The following ZC3H12B variants were observed in gnomAD, a reference collection of about 807,000 sequenced individuals.
ZC3H12B encodes probable ribonuclease ZC3H12B.
ZC3H12B carries 7 observed loss-of-function variants against 43.9 expected under a neutral mutation model. That is an observed-to-expected ratio of 0.16 (90% CI 0.09 to 0.30). The LOEUF (loss-of-function observed/expected upper bound fraction) is 0.30, where lower values mean the gene tolerates loss of function less well. Ranked by LOEUF, ZC3H12B falls within the 10% of genes least tolerant of loss-of-function variation. The pLI is 1.00. For missense variants in ZC3H12B, 475 were observed against 670.2 expected, an observed-to-expected ratio of 0.71 and a Z score of 3.22; for synonymous variants, 222 against 241.7, an observed-to-expected ratio of 0.92 and a Z score of 0.76.
the ZC3H12B span, among the ~76,000 whole-genome samples, chrX:65,053,419 C>A: frequency 9.0e-6 from 1 of 110,964 alleles, no homozygotes; most frequent in Non-Finnish European, 1.9e-5. Flanking sequence ...CATCCATGTC[C>A]CTACAAAGGA....
chrX:65,061,414 G>A, the ZC3H12B span, among the ~76,000 whole-genome samples: 1 of 112,215 alleles, frequency 8.9e-6, no homozygotes, highest in Admixed American at 9.5e-5. Context: ...AGAACATGCG[G>A]TGTATGGTTT....
At chrX:65,496,964 AG>A (rs2068294776) in intron 1 of ZC3H12B, among the ~76,000 whole-genome samples, 167 bp from the exon 7 acceptor site, 3 of 107,428 alleles carry the variant, frequency 2.8e-5, no homozygotes, top group African/African-American at 1.1e-4. Context: ...AAAAAAAAAA[AG>A]AAAAAAAAGA....
At chrX:65,278,807 C>A in the ZC3H12B span, among the ~76,000 whole-genome samples, 1 of 100,998 alleles carries the variant, frequency 9.9e-6, no homozygotes, top group South Asian at 5.9e-4. Flanking sequence ...CCCCTACCCT[C>A]CCCCCTCAAG....
At chrX:65,175,359 AT>A in the ZC3H12B span, among the ~76,000 whole-genome samples, 100 of 105,168 alleles carry the variant, frequency 9.5e-4, no homozygotes, top group African/African-American at 2.8e-3. Flanking sequence ...TGCATGTAAC[AT>A]TTTTTTTTTT....
the ZC3H12B span, among the ~76,000 whole-genome samples, chrX:65,303,868 AC>A: frequency 8.9e-6 from 1 of 112,567 alleles, no homozygotes; most frequent in African/African-American, 3.2e-5. Context: ...AAATTGTGAA[AC>A]ATTGCTGACA....
At chrX:65,156,484 G>A in the ZC3H12B span, among the ~76,000 whole-genome samples, 3 of 111,673 alleles carry the variant, frequency 2.7e-5, no homozygotes, top group Non-Finnish European at 5.6e-5. Flanking sequence ...GGGCTCAAGT[G>A]ATTCTACTGC....
chrX:65,159,811 T>C, the ZC3H12B span, among the ~76,000 whole-genome samples: 1 of 111,115 alleles, frequency 9.0e-6, no homozygotes, highest in African/African-American at 3.3e-5. Context: ...GGAAGAGGAG[T>C]GGTGAGAGAG....
chrX:65,283,259 G>A, the ZC3H12B span, among the ~76,000 whole-genome samples: 8 of 111,768 alleles, frequency 7.2e-5, no homozygotes, highest in South Asian at 3.8e-4. Flanking sequence ...AAAGGCCTTC[G>A]ACAAAATTCA....
intron 2 of ZC3H12B, among the ~76,000 whole-genome samples, chrX:65,379,273 C>A (rs71563008): frequency 0.012 from 1,297 of 111,959 alleles, 16 homozygotes; most frequent in African/African-American, 0.041. Flanking sequence ...AAAGGGCAGA[C>A]TGCCTCCTCA....
the ZC3H12B span, among the ~76,000 whole-genome samples, chrX:65,310,063 G>A: frequency 8.9e-6 from 1 of 111,862 alleles, no homozygotes; most frequent in African/African-American, 3.3e-5. Context: ...GGCAAAACCT[G>A]GAAGCATTCT....
At chrX:65,215,121 T>C in the ZC3H12B span, among the ~76,000 whole-genome samples, 2 of 112,110 alleles carry the variant, frequency 1.8e-5, no homozygotes, top group African/African-American at 6.5e-5. Context: ...TTTGTCCATT[T>C]ACAAAGCACA....
chrX:65,408,053 G>A, intron 3 of ZC3H12B: 1 of 1,166,535 alleles, frequency 8.6e-7, no homozygotes, highest in Non-Finnish European at 1.1e-6. Context: ...TGAGTTGCCG[G>A]GGAACAGAGC....
the ZC3H12B span, among the ~76,000 whole-genome samples, chrX:65,150,730 TTA>T: frequency 8.9e-6 from 1 of 112,039 alleles, no homozygotes; most frequent in African/African-American, 3.2e-5. Context: ...ACAGGCTTTT[TTA>T]TTTTTTATAT....
the ZC3H12B span, among the ~76,000 whole-genome samples, chrX:65,129,256 TG>T: frequency 0.11 from 11,123 of 105,856 alleles, 1,520 homozygotes; most frequent in African/African-American, 0.36. Context: ...TGTGTATATA[TG>T]TATATATATA....
chrX:65,395,929 T>C (rs1234335613), intron 2 of ZC3H12B, among the ~76,000 whole-genome samples: 1 of 111,630 alleles, frequency 9.0e-6, no homozygotes, highest in African/African-American at 3.3e-5. Flanking sequence ...GGTATATGTG[T>C]CCAGGAATTT....
the ZC3H12B span, among the ~76,000 whole-genome samples, chrX:65,232,787 A>C: frequency 9.0e-6 from 1 of 110,671 alleles, no homozygotes; most frequent in Non-Finnish European, 1.9e-5. Flanking sequence ...TCCAACAAAA[A>C]GACATAGAGT....
intron 2 of ZC3H12B, among the ~76,000 whole-genome samples, chrX:65,391,188 T>C (rs1359573303): frequency 8.9e-6 from 1 of 112,397 alleles, no homozygotes; most frequent in East Asian, 2.8e-4. Flanking sequence ...ATCTGTCTTA[T>C]CTGCTTACTT....
the ZC3H12B span, among the ~76,000 whole-genome samples, chrX:65,087,865 C>T: frequency 8.9e-6 from 1 of 112,019 alleles, no homozygotes; most frequent in Non-Finnish European, 1.9e-5. Context: ...TGAGTTGAAA[C>T]ACATTGGTTG....
the ZC3H12B span, among the ~76,000 whole-genome samples, chrX:65,191,802 C>A: frequency 9.2e-6 from 1 of 108,181 alleles, no homozygotes; most frequent in Non-Finnish European, 1.9e-5. Context: ...CTATTTCCTT[C>A]AGTTCTGCTC....
Sources: allele counts gnomAD v4.1 joint callset (sites outside exome capture counted in the v4.1 genomes callset), GRCh38; gene constraint gnomAD v4.1.1; transcripts MANE v1.5; gene names NCBI Gene and HGNC (gene_info 2026-07-23, HGNC 2026-07-21).